Variants in SH3RF1 observed in about 807,000 individuals in gnomAD.
The protein encoded by SH3RF1 is E3 ubiquitin-protein ligase SH3RF1.
SH3RF1 carries 32 observed loss-of-function variants against 74.0 expected under a neutral mutation model. The observed-to-expected ratio is 0.43, with a 90% CI of 0.33 to 0.58. SH3RF1 has a LOEUF of 0.58. Among genes scored for constraint, SH3RF1 ranks in the 20% least tolerant of loss-of-function variants. SH3RF1 has a pLI of 0.05. For missense variants in SH3RF1, 954 were observed against 1,130.9 expected (o/e 0.84, Z 2.24); for synonymous variants, 396 against 439.6 (o/e 0.90, Z 1.24).
chr4:169,251,416 T>C (rs1731103377), intron 2 of SH3RF1, among the ~76,000 whole-genome samples: 1 of 152,206 alleles, frequency 6.6e-6, no homozygotes, highest in Non-Finnish European at 1.5e-5. Context: ...CTTAAAATCG[T>C]GCACAAAACA....
chr4:169,184,335 A>T (rs1471486889), intron 2 of SH3RF1, among the ~76,000 whole-genome samples: 2 of 152,362 alleles, frequency 1.3e-5, no homozygotes, highest in Non-Finnish European at 2.9e-5. Flanking sequence ...TCACACGTGC[A>T]CACATCCAAA....
intron 2 of SH3RF1, among the ~76,000 whole-genome samples, chr4:169,211,671 A>T (rs1579140566): frequency 7.3e-6 from 1 of 137,860 alleles, no homozygotes; most frequent in Non-Finnish European, 1.7e-5. Context: ...TTTCATAATT[A>T]AAAGGGGGGA....
At chr4:169,213,820 G>A (rs1377066480) in intron 2 of SH3RF1, among the ~76,000 whole-genome samples, 1 of 152,182 alleles carries the variant, frequency 6.6e-6, no homozygotes, top group Admixed American at 6.5e-5. Flanking sequence ...AAGGTCACTT[G>A]ACTATATTTA....
At chr4:169,112,086 G>A (rs184741423) in intron 10 of SH3RF1, among the ~76,000 whole-genome samples, 2 of 152,240 alleles carry the variant, frequency 1.3e-5, no homozygotes, top group Admixed American at 1.3e-4. Flanking sequence ...GAAAAGGAGG[G>A]GGCAATAGAC....
At chr4:169,194,186 GTGTC>G (rs1236417561) in intron 2 of SH3RF1, among the ~76,000 whole-genome samples, 3 of 152,098 alleles carry the variant, frequency 2.0e-5, no homozygotes, top group Non-Finnish European at 4.4e-5. Context: ...AATTGCATGA[GTGTC>G]TGTTTTAGGC....
chr4:169,265,107 C>T (rs1400057765), intron 2 of SH3RF1, among the ~76,000 whole-genome samples: 1 of 152,068 alleles, frequency 6.6e-6, no homozygotes, highest in Admixed American at 6.6e-5. Context: ...AATTACATGC[C>T]TGCATTGTTA....
chr4:169,199,353 T>G (rs1579133106), intron 2 of SH3RF1, among the ~76,000 whole-genome samples: 4 of 152,332 alleles, frequency 2.6e-5, no homozygotes, highest in East Asian at 1.9e-4. Context: ...TAATGTTTGG[T>G]TGGCAGGTGG....
rs1200730069 is a variant in SH3RF1 at position 169,095,353 on chromosome 4, T to G, written c.*1166A>C. On this transcript the variant is annotated 3_prime_UTR_variant, in exon 12 of 12. Coordinates refer to ENST00000284637, the MANE Select transcript of SH3RF1 (RefSeq NM_020870.4). ...CTTTGGGGTAGAGAAGAGAACACTGTTTATTTTTACACCTCCTGAATTGGT... is the reference window on the plus strand; with the variant it reads ...CTTTGGGGTAGAGAAGAGAACACTGGTTATTTTTACACCTCCTGAATTGGT... 6.6e-6 allele frequency: 1 copy of G among 152,618 alleles called. No homozygotes were observed. The highest frequency in any genetic ancestry group is 1.5e-5 in the Non-Finnish European group (1 of 68,040). The allele number at this position is 152,618 out of a possible 1,614,324, so 9.5% of individuals were successfully genotyped here.
chr4:169,252,428 C>T lies in SH3RF1; in HGVS notation c.393+16392G>A, dbSNP rs542847953. Among the ~76,000 whole-genome samples, 41 of 152,266 alleles carry T rather than the reference C, an allele frequency of 2.7e-4. No homozygotes were observed. In the South Asian group the frequency reaches 8.1e-3, roughly 30 times the overall value. ...TCAGCTTTTAAAATGTTTTCATGAC[C>T]ATTGAAAAGGGCTATGAAAATTGCT... On this transcript the variant is annotated intron_variant, in intron 2 of 11. Coordinates refer to ENST00000284637, the MANE Select transcript of SH3RF1 (RefSeq NM_020870.4).
At chr4:169,223,265 T>C (rs944491815) in intron 2 of SH3RF1, among the ~76,000 whole-genome samples, 1 of 152,068 alleles carries the variant, frequency 6.6e-6, no homozygotes, top group Non-Finnish European at 1.5e-5. Flanking sequence ...GAAGGGAAGA[T>C]AGAAATATAA....
chr4:169,157,333 G>C (rs138735697), intron 2 of SH3RF1, among the ~76,000 whole-genome samples: 2 of 152,122 alleles, frequency 1.3e-5, no homozygotes, highest in Non-Finnish European at 2.9e-5. Context: ...TAAGTGTATA[G>C]ACACGTGGTC....
intron 4 of SH3RF1, among the ~76,000 whole-genome samples, chr4:169,144,160 A>C (rs1283897234): frequency 2.0e-5 from 3 of 152,188 alleles, no homozygotes; most frequent in African/African-American, 7.2e-5. Context: ...AGTGCTCTGT[A>C]ACATGTAAAG....
rs559307938 is a variant in SH3RF1, at chr4:169,095,058, G to A, written c.*1461C>T. 2 of 152,706 alleles carry A rather than the reference G, an allele frequency of 1.3e-5. No individual in the cohort carries two copies. Among genetic ancestry groups the A allele is most frequent in the South Asian group, 2.1e-4 (1 of 4,818 alleles). 9.5% of individuals were successfully genotyped at this position (152,706 alleles called of 1,614,324 possible). Reference sequence around the variant, plus strand: ...GACTGCGTGGCACCGTAATGAAATCGGTGGGAGAGGCCAATGACATCAAGG... The same window carrying A: ...GACTGCGTGGCACCGTAATGAAATCAGTGGGAGAGGCCAATGACATCAAGG... On this transcript the variant is annotated 3_prime_UTR_variant, in exon 12 of 12. Coordinates refer to ENST00000284637, the MANE Select transcript of SH3RF1 (RefSeq NM_020870.4).
intron 2 of SH3RF1, among the ~76,000 whole-genome samples, chr4:169,158,097 A>T (rs1392693450): frequency 1.3e-5 from 2 of 152,224 alleles, no homozygotes; most frequent in African/African-American, 4.8e-5. Flanking sequence ...GAAGAATAAG[A>T]CAGTTCTTTT....
intron 4 of SH3RF1, among the ~76,000 whole-genome samples, chr4:169,144,898 T>C (rs766589443): frequency 3.3e-5 from 5 of 151,768 alleles, no homozygotes; most frequent in Admixed American, 6.6e-5. Flanking sequence ...AGGGAAGAAA[T>C]AATAGAGAAG....
intron 11 of SH3RF1, among the ~76,000 whole-genome samples, chr4:169,102,538 A>T (rs748438787): frequency 6.6e-6 from 1 of 151,914 alleles, no homozygotes; most frequent in Non-Finnish European, 1.5e-5. Flanking sequence ...TTTCTTTGGA[A>T]GAAAAACCTG....
At chr4:169,117,378 A>G in intron 9 of SH3RF1, 145 bp downstream of exon 9, 1 of 1,182,028 alleles carries the variant, frequency 8.5e-7, no homozygotes, top group Non-Finnish European at 1.2e-6. Context: ...AAATAAGCAG[A>G]TACAAGGTGC....
intron 2 of SH3RF1, among the ~76,000 whole-genome samples, chr4:169,230,473 G>A (rs903461264): frequency 6.6e-6 from 1 of 152,090 alleles, no homozygotes; most frequent in Non-Finnish European, 1.5e-5. Flanking sequence ...ATTTCCTTTA[G>A]TTTTCATTTG....
chr4:169,235,485 C>T (rs1730811734), intron 2 of SH3RF1, among the ~76,000 whole-genome samples: 1 of 152,130 alleles, frequency 6.6e-6, no homozygotes, highest in African/African-American at 2.4e-5. Context: ...TATGAGCCAA[C>T]TGAAGCACAG....
Sources: gnomAD v4.1 joint callset for allele counts (sites outside exome capture counted in the v4.1 genomes callset) on GRCh38, gnomAD v4.1.1 for gene constraint, MANE v1.5 for transcripts, NCBI Gene and HGNC (gene_info 2026-07-23, HGNC 2026-07-21) for gene names.